LAMA5: variants seen among roughly 807,000 people sequenced by gnomAD.
LAMA5 encodes the protein laminin subunit alpha-5.
A neutral mutation model predicts 433.4 loss-of-function variants in LAMA5; 260 were observed. The observed-to-expected ratio is 0.60, with a 90% CI of 0.54 to 0.66. The LOEUF (loss-of-function observed/expected upper bound fraction) is 0.66. LAMA5 is among the 30% of genes least tolerant of loss of function. LAMA5 has a pLI of 0.00. For synonymous variants in LAMA5, 2,620 were observed against 2,226.6 expected (o/e 1.18, Z -4.97); for missense variants, 5,378 against 5,258.5 (o/e 1.02, Z -0.70).
intron 6 of LAMA5, among the ~76,000 whole-genome samples, chr20:62,350,168 G>A (rs954250022): frequency 2.0e-5 from 3 of 151,946 alleles, no homozygotes; most frequent in Non-Finnish European, 4.4e-5. Context: ...GCCAAGGCAA[G>A]CCCCGGCTCC....
Position 62,322,040 on chromosome 20 carries a change from C to T in LAMA5, c.6475G>A (p.Gly2159Ser), listed in dbSNP as rs1460622378. 3.8e-6 allele frequency: 6 copies of T among 1,598,988 alleles called. No individual in the cohort carries two copies. In the African/African-American group the frequency reaches 4.0e-5, roughly 11 times the overall value. ...HQVPVPGGPV[G>S]HSIHCEVCDH... ...ACACCTTCACAGTGGATGCTGTGGC[C>T]CACAGGCCCGCCTGGAACAGGCACC... is the stretch of plus-strand genomic sequence containing the variant. The change falls in exon 48 of 80, where the codon GGC becomes AGC. Residue 2159 changes from glycine (G) to serine (S), a missense_variant. By Grantham distance (56) the Gly-to-Ser change is moderately conservative (BLOSUM62 0). Coordinates refer to ENST00000252999, the MANE Select transcript of LAMA5 (RefSeq NM_005560.6).
At chr20:62,309,541 C>A in intron 79 of LAMA5, 66 bp from the exon 80 acceptor site, 1 of 1,331,472 alleles carries the variant, frequency 7.5e-7, no homozygotes, top group East Asian at 2.8e-5. Flanking sequence ...AGGCCCTTCC[C>A]AAACGTCAGT....
intron 70 of LAMA5, 57 bp from the exon 71 acceptor site, chr20:62,311,841 A>AGGTG: frequency 1.7e-6 from 1 of 592,530 alleles, no homozygotes; most frequent in Non-Finnish European, 2.6e-6. Context: ...CCCCCACCTC[A>AGGTG]GAGGAGACAG....
At chr20:62,346,431 C>T in intron 9 of LAMA5, 75 bp downstream of exon 9, 2 of 1,454,520 alleles carry the variant, frequency 1.4e-6, no homozygotes, top group African/African-American at 2.8e-5. Context: ...TCCAAAGCAG[C>T]CCCAAAGGCC....
intron 1 of LAMA5, among the ~76,000 whole-genome samples, chr20:62,363,985 T>G (rs998257122): frequency 3.3e-5 from 5 of 152,282 alleles, no homozygotes; most frequent in East Asian, 3.9e-4. Context: ...ACTGCTGTAT[T>G]TCCTTTACTG....
In LAMA5 at chr20:62,312,870, T is replaced by TCCCCACCCTGGC. The variant is rs1366048825; in HGVS notation, c.9078+6_9078+17dup. 1 of 1,598,686 alleles carries TCCCCACCCTGGC rather than the reference T, an allele frequency of 6.3e-7. No individual in the cohort carries two copies. The highest frequency in any genetic ancestry group is 1.1e-5 in the South Asian group (1 of 89,634). On this transcript the variant is annotated intron_variant, in intron 66 of 79. Transcript: ENST00000252999. ...CCATCTCCTCTCCCTGCCACCCTGG[T>TCCCCACCCTGGC]CCCCACCCTGGCCCTACCGCCTTGC...
In LAMA5 at chr20:62,318,596, A is replaced by G. The variant is rs1987311392; in HGVS notation, c.7097T>C (p.Leu2366Pro). 8 of 1,610,858 alleles carry G rather than the reference A, an allele frequency of 5.0e-6. No individual in the cohort carries two copies. The highest frequency in any genetic ancestry group is 1.1e-5 in the South Asian group (1 of 91,062). The stretch of plus-strand genomic sequence containing the variant: ...CAGCCGGTCGCGGGTTTGTGTGGCC[A>G]GTGCCTGGTTCTCCTCCCAGAGGCT... ...LSSLWEENQA[L>P]ATQTRDRLAQ... The change falls in exon 53 of 80, where the codon CTG becomes CCG. Residue 2366 changes from leucine to proline, a missense_variant. Leu to Pro is a moderately conservative substitution (Grantham distance 98). Coordinates refer to ENST00000252999, the MANE Select transcript of LAMA5 (RefSeq NM_005560.6).
rs766004324 is a variant in LAMA5 at position 62,330,797 on chromosome 20, C to T, written c.3798G>A (p.Arg1266=). The T allele has an allele frequency of 6.4e-7, 1 of 1,559,046 alleles. No homozygotes were observed. Residue 1266 remains arginine, a synonymous_variant, in exon 30 of 80, where the codon CGG becomes CGA. Coordinates refer to ENST00000252999, the MANE Select transcript of LAMA5 (RefSeq NM_005560.6). The part of the protein sequence containing the change: ...PAMSPAGPRP[R]PPTAVDPDAE... Reference sequence around the variant, plus strand: ...CATCAGGGTCCACAGCGGTGGGGGGCCGAGGTCGGGGTCCAGCTGGGGACA... The same window carrying T: ...CATCAGGGTCCACAGCGGTGGGGGGTCGAGGTCGGGGTCCAGCTGGGGACA...
Position 62,323,505 on chromosome 20 carries a change from G to A in LAMA5, c.6015C>T (p.Ile2005=). ...LRHTTGPRCE[I]CAPGFYGNAL... ...CGTTGCCGTAGAAGCCGGGGGCACA[G>A]ATCTCGCAGCGGGGCCCAGTGGTGT... Residue 2005 remains isoleucine (I), a synonymous_variant, in exon 45 of 80, where the codon ATC becomes ATT. Transcript: ENST00000252999. 6.4e-7 allele frequency: 1 copy of A among 1,561,656 alleles called. No homozygotes were observed. Among genetic ancestry groups the A allele is most frequent in the Non-Finnish European group, 8.7e-7 (1 of 1,155,504 alleles).
chr20:62,322,798 A>AC (rs770747313), intron 45 of LAMA5, 40 bp from the exon 46 acceptor site: 94 of 1,242,702 alleles, frequency 7.6e-5, no homozygotes, highest in Middle Eastern at 5.8e-4. Context: ...GGGCCCTCTC[A>AC]CCCCCCCAGG....
chr20:62,334,053 G>A lies in LAMA5; in HGVS notation c.2740-14C>T. On this transcript the variant is annotated splice_polypyrimidine_tract_variant and intron_variant, in intron 22 of 79. Coordinates refer to ENST00000252999, the MANE Select transcript of LAMA5 (RefSeq NM_005560.6). Reference sequence around the variant, plus strand: ...CACGATCCTGGGCTGGGTGGGCATGGAGCGTCGGGTCACTCTCCCTGACCA... The same window carrying A: ...CACGATCCTGGGCTGGGTGGGCATGAAGCGTCGGGTCACTCTCCCTGACCA... The A allele has an allele frequency of 6.2e-7, 1 of 1,606,860 alleles. No individual in the cohort carries two copies. Among genetic ancestry groups the A allele is most frequent in the Non-Finnish European group, 8.5e-7 (1 of 1,175,382 alleles).
chr20:62,338,113 G>A lies in LAMA5; in HGVS notation c.1794C>T (p.Gly598=), dbSNP rs1454528372. ...ATAGGCAGCGGCCGGCCTCATCGCA[G>A]CCCTCGGGCAAGGTTCCTGCAGGGC... is the stretch of plus-strand genomic sequence containing the variant. ...GCSPAGTLPE[G]CDEAGRCLCQ... The change falls in exon 14 of 80, where the codon GGC becomes GGT. Residue 598 remains glycine, a synonymous_variant. Transcript: ENST00000252999. 1 of 1,597,982 alleles carries A rather than the reference G, an allele frequency of 6.3e-7. No individual in the cohort carries two copies.
rs144509672 is a variant in LAMA5 at position 62,324,598 on chromosome 20, G to A, written c.5530-44C>T. The A allele has an allele frequency of 5.8e-5, 83 of 1,421,382 alleles. No homozygotes were observed. The highest frequency in any genetic ancestry group is 1.7e-4 in the Middle Eastern group (1 of 5,756). The allele number at this position is 1,421,382 out of a possible 1,614,324, so 88.0% of individuals were successfully genotyped here. A position where few individuals can be genotyped will look rare whatever the true frequency, so the allele number is the denominator to read the frequency against. On this transcript the variant is annotated intron_variant, in intron 41 of 79. Transcript: ENST00000252999. This position sits in a 1 kb window ranked among gnomAD's most constrained non-coding sequence, Gnocchi z 4.4. ...AGGTGGCATCAGCGATTGAGAGGAC[G>A]AGGGGCCCCACCCTGCAAGCTCACA...
At chr20:62,331,725 C>T (rs544809310) in intron 28 of LAMA5, among the ~76,000 whole-genome samples, 2 of 152,294 alleles carry the variant, frequency 1.3e-5, no homozygotes, top group South Asian at 4.1e-4. Flanking sequence ...CGGTGGGAGA[C>T]GCGGCTGCAC....
chr20:62,317,328 C>T lies in LAMA5; in HGVS notation c.7511+17G>A, dbSNP rs79372551. ...CCCCAGGGTGGGCCCAGGGCCCCTC[C>T]TCTCCTGGCCACCCACCTGGACAGA... On this transcript the variant is annotated intron_variant, in intron 55 of 79. Coordinates refer to ENST00000252999, the MANE Select transcript of LAMA5 (RefSeq NM_005560.6). 1.1e-4 allele frequency: 176 copies of T among 1,596,048 alleles called. No homozygotes were observed. The African/African-American group carries it at 2.0e-3, about 18-fold the overall frequency.
rs752594041 is a variant in LAMA5, at chr20:62,312,442, C to T, written c.9318G>A (p.Leu3106=). The T allele has an allele frequency of 2.9e-5, 46 of 1,597,934 alleles. No homozygotes were observed. In the Admixed American group the frequency reaches 7.7e-4, roughly 27 times the overall value. ...ALGKYVDLKR[L]NTTGVSAGCT... Reference sequence around the variant, plus strand: ...AGCCGGCGCTCACGCCTGTCGTGTTCAGCCGCTTGAGGTCCACATACTTGC... The same window carrying T: ...AGCCGGCGCTCACGCCTGTCGTGTTTAGCCGCTTGAGGTCCACATACTTGC... The change falls in exon 68 of 80, where the codon CTG becomes CTA. Residue 3106 remains leucine (L), a synonymous_variant. Coordinates refer to ENST00000252999, the MANE Select transcript of LAMA5 (RefSeq NM_005560.6).
At chr20:62,352,663 C>T (rs1984538916) in intron 3 of LAMA5, among the ~76,000 whole-genome samples, 1 of 152,176 alleles carries the variant, frequency 6.6e-6, no homozygotes, top group African/African-American at 2.4e-5. Flanking sequence ...CATTCTCAGG[C>T]CAGGGAATTT....
rs201131572 is a variant in LAMA5, at chr20:62,309,852, C to A, written c.10829-17G>T. 7.9e-5 allele frequency: 127 copies of A among 1,610,932 alleles called. No individual in the cohort carries two copies. Among genetic ancestry groups the A allele is most frequent in the Middle Eastern group, 3.3e-4 (2 of 6,036 alleles). ...TTTTCATCACTGGGAGAAAGGGGGA[C>A]TCCTGAGGCCAGGTGGTCCTCAGCC... is the stretch of plus-strand genomic sequence containing the variant. On this transcript the variant is annotated splice_polypyrimidine_tract_variant and intron_variant, in intron 78 of 79. Transcript: ENST00000252999.
intron 16 of LAMA5, 157 bp from the exon 17 acceptor site, chr20:62,336,943 T>G (rs1279079005): frequency 1.4e-6 from 1 of 733,494 alleles, no homozygotes; most frequent in East Asian, 2.7e-5. Context: ...CGCACCTCCC[T>G]GCTCCCTCCG....
Sources: allele counts gnomAD v4.1 joint callset (sites outside exome capture counted in the v4.1 genomes callset), GRCh38; gene constraint gnomAD v4.1.1; non-coding constraint Gnocchi (gnomAD v3.1); transcripts MANE v1.5; gene names NCBI Gene and HGNC (gene_info 2026-07-23, HGNC 2026-07-21).